NRG1: variants seen among roughly 807,000 people sequenced by gnomAD.
NRG1 encodes pro-neuregulin-1, membrane-bound isoform.
Under a neutral mutation model 63.8 loss-of-function variants are expected in NRG1, and 18 were observed. The ratio of observed to expected loss-of-function variants is 0.28; its 90% CI spans 0.19 to 0.42. The LOEUF (loss-of-function observed/expected upper bound fraction) is 0.42, where lower values mean the gene tolerates loss of function less well. Among genes scored for constraint, NRG1 ranks in the 10% least tolerant of loss-of-function variants. The pLI is 1.00. For missense variants in NRG1, 762 were observed against 814.7 expected, an observed-to-expected ratio of 0.94 and a Z score of 0.79; for synonymous variants, 302 against 301.3, an observed-to-expected ratio of 1.00 and a Z score of -0.02.
At chr8:32,333,833 C>T (rs1449431650) in intron 1 of NRG1, among the ~76,000 whole-genome samples, 3 of 152,054 alleles carry the variant, frequency 2.0e-5, no homozygotes. Context: ...ATGTTCTTCC[C>T]ATAAAAAAAC....
chr8:32,233,563 A>ATATATTTTTT (rs34593729), intron 1 of NRG1, among the ~76,000 whole-genome samples: 2 of 67,254 alleles, frequency 3.0e-5, no homozygotes, highest in East Asian at 3.9e-4. Context: ...ATATATATAT[A>ATATATTTTTT]TTTTTTTTTT....
intron 1 of NRG1, among the ~76,000 whole-genome samples, chr8:31,691,333 C>A (rs186089012): frequency 6.6e-6 from 1 of 152,066 alleles, no homozygotes; most frequent in Admixed American, 6.5e-5. Context: ...TGAGGCCGGG[C>A]GCGGTGGCTC....
intron 5 of NRG1, chr8:32,648,454 A>T: frequency 1.3e-6 from 2 of 1,532,108 alleles, no homozygotes; most frequent in Non-Finnish European, 8.8e-7. Context: ...TCCCCAAAGG[A>T]CATTTCCCTT....
At chr8:31,641,206 C>CAGTG (rs1445010051) in intron 1 of NRG1, among the ~76,000 whole-genome samples, 1 of 152,150 alleles carries the variant, frequency 6.6e-6, no homozygotes, top group Non-Finnish European at 1.5e-5. Context: ...AAGGAAGGGG[C>CAGTG]AGTGCACTGA....
chr8:32,358,638 T>C (rs1196315359), intron 1 of NRG1, among the ~76,000 whole-genome samples: 1 of 152,138 alleles, frequency 6.6e-6, no homozygotes, highest in Non-Finnish European at 1.5e-5. Context: ...ATCTCATAGA[T>C]TCTCCATTTT....
chr8:32,167,895 C>T (rs180855310), intron 1 of NRG1, among the ~76,000 whole-genome samples: 42 of 152,310 alleles, frequency 2.8e-4, no homozygotes, highest in Non-Finnish European at 5.1e-4. Context: ...CAGCTAAAAT[C>T]AGCAAGGGAA....
chr8:32,294,167 A>G (rs1163490616), intron 1 of NRG1, among the ~76,000 whole-genome samples: 3 of 151,484 alleles, frequency 2.0e-5, no homozygotes, highest in Admixed American at 2.0e-4. Context: ...CCAAGCCCAC[A>G]TTTTCCCCAA....
chr8:31,976,370 T>C (rs1808176919), intron 1 of NRG1, among the ~76,000 whole-genome samples: 1 of 152,212 alleles, frequency 6.6e-6, no homozygotes, highest in Non-Finnish European at 1.5e-5. Flanking sequence ...TTGTACTGTC[T>C]ACATATCTTG....
At chr8:32,748,358 C>CACACACACACACAG (rs748763782) in intron 7 of NRG1, among the ~76,000 whole-genome samples, 5 of 121,962 alleles carry the variant, frequency 4.1e-5, no homozygotes, top group African/African-American at 1.5e-4. Flanking sequence ...CACACACACA[C>CACACACACACACAG]AGAGAGAGAG....
chr8:32,358,243 C>T (rs935808642), intron 1 of NRG1, among the ~76,000 whole-genome samples: 1 of 152,006 alleles, frequency 6.6e-6, no homozygotes. Context: ...ACCAACTCAG[C>T]CCCAGAATGC....
At chr8:32,236,425 A>C (rs1847567121) in intron 1 of NRG1, among the ~76,000 whole-genome samples, 1 of 152,154 alleles carries the variant, frequency 6.6e-6, no homozygotes. Context: ...ATAAATATTG[A>C]ACAGAGTGTG....
At chr8:32,219,034 G>C (rs1317497436) in intron 1 of NRG1, among the ~76,000 whole-genome samples, 1 of 152,164 alleles carries the variant, frequency 6.6e-6, no homozygotes, top group African/African-American at 2.4e-5. Flanking sequence ...TGGTAGTGTG[G>C]ATGAAGAGGC....
chr8:32,027,414 CTCCTTCCTTCCTTCCTTCCT>C (rs774505431), intron 1 of NRG1, among the ~76,000 whole-genome samples: 3 of 114,078 alleles, frequency 2.6e-5, no homozygotes, highest in African/African-American at 1.3e-4. Context: ...CCTTCCTTCC[CTCCTTCCTTCCTTCCTTCCT>C]TCCTTCCTTC....
intron 5 of NRG1, among the ~76,000 whole-genome samples, chr8:32,651,803 A>C (rs1389503836): frequency 6.6e-6 from 1 of 152,136 alleles, no homozygotes; most frequent in African/African-American, 2.4e-5. Flanking sequence ...TTAAATTCTA[A>C]TGCATCCTTC....
intron 1 of NRG1, among the ~76,000 whole-genome samples, chr8:32,401,791 T>G (rs1813244515): frequency 6.6e-6 from 1 of 152,202 alleles, no homozygotes; most frequent in Non-Finnish European, 1.5e-5. Flanking sequence ...GGTACTATGC[T>G]TCATACCTGG....
intron 1 of NRG1, among the ~76,000 whole-genome samples, chr8:31,926,328 C>A (rs891497451): frequency 2.0e-5 from 3 of 151,978 alleles, no homozygotes; most frequent in Non-Finnish European, 4.4e-5. Flanking sequence ...TTCTGTTCAG[C>A]CTGTCTGCCC....
In NRG1 at chr8:32,175,887, T is replaced by C. The variant is rs547766697; in HGVS notation, c.38-419941T>C. 2.3e-4 allele frequency among the ~76,000 whole-genome samples: 35 copies of C among 152,272 alleles called. 1 individual carries two copies. In the South Asian group the frequency reaches 6.2e-3, roughly 27 times the overall value. On this transcript the variant is annotated intron_variant, in intron 1 of 10. Coordinates refer to the NRG1 transcript ENST00000519301. Reference sequence around the variant, plus strand: ...GCTTATGGGTAGAAAGAATCAATATTATGAAAATGGCCATACTGCCAAAGG... The same window carrying C: ...GCTTATGGGTAGAAAGAATCAATATCATGAAAATGGCCATACTGCCAAAGG...
chr8:32,310,800 A>C (rs971684251), intron 1 of NRG1, among the ~76,000 whole-genome samples: 1 of 152,216 alleles, frequency 6.6e-6, no homozygotes, highest in African/African-American at 2.4e-5. Flanking sequence ...AAGGTTCTCC[A>C]TGACACATAT....
At chr8:31,724,108 C>T (rs149536547) in intron 1 of NRG1, among the ~76,000 whole-genome samples, 78 of 151,960 alleles carry the variant, frequency 5.1e-4, no homozygotes, top group Middle Eastern at 3.4e-3. Flanking sequence ...TAATATTAGC[C>T]GGGCATGGTG....
Sources: gnomAD v4.1 joint callset for allele counts (sites outside exome capture counted in the v4.1 genomes callset) on GRCh38, gnomAD v4.1.1 for gene constraint, MANE v1.5 for transcripts, NCBI Gene and HGNC (gene_info 2026-07-23, HGNC 2026-07-21) for gene names.